Variants in CCDC91 observed in about 807,000 individuals in gnomAD.
CCDC91 encodes coiled-coil domain containing 91, also known as coiled-coil domain-containing protein 91.
CCDC91 carries 48 observed loss-of-function variants against 63.2 expected under a neutral mutation model. The ratio of observed to expected loss-of-function variants is 0.76; its 90% CI spans 0.60 to 0.97. The LOEUF (loss-of-function observed/expected upper bound fraction) is 0.97, where lower values mean the gene tolerates loss of function less well. CCDC91 is among the 50% of genes least tolerant of loss of function. CCDC91 has a pLI of 0.00. For missense variants in CCDC91, 500 were observed against 494.6 expected, an observed-to-expected ratio of 1.01 and a Z score of -0.10; for synonymous variants, 167 against 165.8, an observed-to-expected ratio of 1.01 and a Z score of -0.06.
intron 3 of CCDC91, among the ~76,000 whole-genome samples, chr12:28,290,560 T>A (rs553822677): frequency 4.6e-5 from 7 of 152,360 alleles, no homozygotes; most frequent in African/African-American, 1.7e-4. Flanking sequence ...TGTTAGCTGT[T>A]TATTATGCAG....
intron 7 of CCDC91, among the ~76,000 whole-genome samples, chr12:28,384,065 C>A (rs534890573): frequency 1.0e-3 from 156 of 152,228 alleles, no homozygotes; most frequent in African/African-American, 3.5e-3. Flanking sequence ...TAACCAAGAA[C>A]AGCATTCAGG....
chr12:28,391,881 A>G (rs1439001255), intron 8 of CCDC91, among the ~76,000 whole-genome samples: 1 of 152,138 alleles, frequency 6.6e-6, no homozygotes, highest in Non-Finnish European at 1.5e-5. Flanking sequence ...ACTGCTTTAC[A>G]TTAAACAAAG....
intron 12 of CCDC91, among the ~76,000 whole-genome samples, chr12:28,535,825 A>G (rs574049619): frequency 2.9e-4 from 44 of 152,080 alleles, no homozygotes; most frequent in East Asian, 1.5e-3. Flanking sequence ...TCAGGAGATC[A>G]AGACCATCCT....
chr12:28,243,293 T>C (rs545366613), intron 1 of CCDC91, among the ~76,000 whole-genome samples: 15 of 152,200 alleles, frequency 9.9e-5, no homozygotes, highest in African/African-American at 3.6e-4. Context: ...TCGTATAAGG[T>C]AGATATCTGG....
chr12:28,280,052 A>G (rs1191674640), intron 3 of CCDC91, among the ~76,000 whole-genome samples: 1 of 152,096 alleles, frequency 6.6e-6, no homozygotes, highest in Non-Finnish European at 1.5e-5. Flanking sequence ...AATGTATTTG[A>G]TTCTTTTTAA....
chr12:28,206,544 C>T (rs1942865739), intron 1 of CCDC91, among the ~76,000 whole-genome samples: 1 of 152,044 alleles, frequency 6.6e-6, no homozygotes, highest in Admixed American at 6.5e-5. Flanking sequence ...ACCTAGGGTC[C>T]CCATAAACCA....
At chr12:28,472,885 A>G (rs1323660461) in intron 11 of CCDC91, among the ~76,000 whole-genome samples, 2 of 152,146 alleles carry the variant, frequency 1.3e-5, no homozygotes. Context: ...ACTTGCATCC[A>G]TGTCTGGAAC....
chr12:28,282,904 C>T (rs1191821317), intron 3 of CCDC91, among the ~76,000 whole-genome samples: 2 of 151,908 alleles, frequency 1.3e-5, no homozygotes, highest in East Asian at 1.9e-4. Flanking sequence ...ATAGCGATCC[C>T]GTTTTATTCT....
At chr12:28,327,764 C>T (rs1172438014) in intron 6 of CCDC91, among the ~76,000 whole-genome samples, 5 of 152,126 alleles carry the variant, frequency 3.3e-5, no homozygotes, top group Non-Finnish European at 7.4e-5. Flanking sequence ...GTCAGCTGTC[C>T]TGGCACTGGT....
chr12:28,430,326 G>A (rs1206084935), intron 8 of CCDC91, among the ~76,000 whole-genome samples: 1 of 152,026 alleles, frequency 6.6e-6, no homozygotes, highest in African/African-American at 2.4e-5. Context: ...TACCTTAGAT[G>A]TAGGATTTAC....
intron 6 of CCDC91, among the ~76,000 whole-genome samples, chr12:28,332,120 C>T (rs1941566948): frequency 6.6e-6 from 1 of 152,034 alleles, no homozygotes. Context: ...TTCTAAGTGT[C>T]TATACTTACT....
chr12:28,294,608 G>A (rs1949447719), intron 3 of CCDC91, among the ~76,000 whole-genome samples: 1 of 151,638 alleles, frequency 6.6e-6, no homozygotes, highest in South Asian at 2.1e-4. Flanking sequence ...TTTTGAGATG[G>A]GATTTCACTC....
intron 8 of CCDC91, among the ~76,000 whole-genome samples, chr12:28,434,594 G>GTTTT (rs376645678): frequency 0.034 from 2,525 of 73,268 alleles, 1 homozygote; most frequent in East Asian, 0.047. Flanking sequence ...CCTTGGTCTG[G>GTTTT]TTTTTTTTTT....
At chr12:28,471,249 T>G (rs536663937) in intron 11 of CCDC91, among the ~76,000 whole-genome samples, 1 of 152,310 alleles carries the variant, frequency 6.6e-6, no homozygotes, top group Admixed American at 6.5e-5. Flanking sequence ...CAGAATATAA[T>G]TAGGCTTCTC....
chr12:28,454,937 GTAAATTGAGTGT>G (rs1949992123), intron 11 of CCDC91, among the ~76,000 whole-genome samples: 1 of 152,010 alleles, frequency 6.6e-6, no homozygotes, highest in South Asian at 2.1e-4. Flanking sequence ...ATGCGTCGTT[GTAAATTGAGTGT>G]TTCCATGGAA....
chr12:28,306,274 T>C (rs762258010), intron 4 of CCDC91, among the ~76,000 whole-genome samples: 15 of 152,222 alleles, frequency 9.9e-5, no homozygotes, highest in East Asian at 3.9e-4. Flanking sequence ...CTGAAGGTAG[T>C]CCCAATTTCT....
chr12:28,462,749 G>A (rs895930124), intron 11 of CCDC91, among the ~76,000 whole-genome samples: 5 of 152,082 alleles, frequency 3.3e-5, no homozygotes, highest in African/African-American at 1.2e-4. Context: ...TGGTAAGATA[G>A]ACAAGTAAAC....
At position 28,362,533 on chromosome 12, in the gene CCDC91, T is replaced by A; in HGVS notation, c.654+18T>A. On this transcript the variant is annotated intron_variant, in intron 7 of 12. Transcript: ENST00000536442. ...AATATAAGGTAGAGGTTTGAGAGTG[T>A]TTACTTTTTTAAACCTTGGATAACT... is the stretch of plus-strand genomic sequence containing the variant. 6.6e-7 allele frequency: 1 copy of A among 1,507,470 alleles called. No homozygotes were observed. Among genetic ancestry groups the A allele is most frequent in the Non-Finnish European group, 9.0e-7 (1 of 1,114,162 alleles). 93.4% of individuals were successfully genotyped at this position (1,507,470 alleles called of 1,614,324 possible). A position where few individuals can be genotyped will look rare whatever the true frequency, so the allele number is the denominator to read the frequency against.
intron 7 of CCDC91, among the ~76,000 whole-genome samples, chr12:28,378,313 C>T (rs568547547): frequency 6.6e-6 from 1 of 152,170 alleles, no homozygotes; most frequent in East Asian, 1.9e-4. Context: ...CACATGCCAG[C>T]TTGAGTATCA....
Sources: allele counts gnomAD v4.1 joint callset (sites outside exome capture counted in the v4.1 genomes callset), GRCh38; gene constraint gnomAD v4.1.1; transcripts MANE v1.5; gene names NCBI Gene and HGNC (gene_info 2026-07-23, HGNC 2026-07-21).